DYNLRB1: variants seen among roughly 807,000 people sequenced by gnomAD.
DYNLRB1 encodes dynein light chain roadblock-type 1, also known as ROBL/LC7-like 1.
Under a neutral mutation model 13.5 loss-of-function variants are expected in DYNLRB1, and 6 were observed. The ratio of observed to expected loss-of-function variants is 0.44; its 90% CI spans 0.24 to 0.88. The LOEUF is 0.88. Among genes scored for constraint, DYNLRB1 ranks in the 40% least tolerant of loss-of-function variants. The pLI, the probability that DYNLRB1 is intolerant of heterozygous loss-of-function variation, is 0.21. For synonymous variants in DYNLRB1, 43 were observed against 45.0 expected (o/e 0.96, Z 0.18); for missense variants, 93 against 127.2 (o/e 0.73, Z 1.29).
intron 3 of DYNLRB1, among the ~76,000 whole-genome samples, chr20:34,538,058 G>A (rs1981301742): frequency 7.2e-6 from 1 of 138,378 alleles, no homozygotes; most frequent in Admixed American, 7.8e-5. Flanking sequence ...TGCGATCATG[G>A]CTCTCTGCAG....
At chr20:34,530,260 A>C in intron 2 of DYNLRB1, 1 of 1,035,758 alleles carries the variant, frequency 9.7e-7, no homozygotes, top group Non-Finnish European at 1.2e-6. Flanking sequence ...TTGTATACTC[A>C]TGGGGCTGAT....
chr20:34,516,532 G>A, intron 1 of DYNLRB1, 71 bp downstream of exon 1: 1 of 1,598,962 alleles, frequency 6.3e-7, no homozygotes. Flanking sequence ...GTCTTCCGAG[G>A]ATGAGGGGAT....
rs140008139 is a variant in DYNLRB1, at chr20:34,519,254, A to G, written c.3+2793A>G. On this transcript the variant is annotated intron_variant, in intron 1 of 3. Coordinates refer to ENST00000357156, the MANE Select transcript of DYNLRB1 (RefSeq NM_014183.4). ...GAAGCAGTACCAGAGGATATAATATAGAAAGTTTATGTGGTCCCCATCTTA... is the reference window on the plus strand; with the variant it reads ...GAAGCAGTACCAGAGGATATAATATGGAAAGTTTATGTGGTCCCCATCTTA... Among the ~76,000 whole-genome samples, 71 of 152,298 alleles carry G rather than the reference A, an allele frequency of 4.7e-4. 2 individuals are homozygous for G. The East Asian group carries it at 0.012, about 25-fold the overall frequency.
intron 2 of DYNLRB1, among the ~76,000 whole-genome samples, chr20:34,528,899 G>A (rs1331095361): frequency 6.6e-6 from 1 of 152,044 alleles, no homozygotes; most frequent in Admixed American, 6.5e-5. Context: ...CCTTGAGCCC[G>A]GGAGTTCAAG....
chr20:34,534,221 C>G (rs1188269878), intron 2 of DYNLRB1, among the ~76,000 whole-genome samples: 1 of 152,122 alleles, frequency 6.6e-6, no homozygotes, highest in African/African-American at 2.4e-5. Flanking sequence ...AAATAAAAAC[C>G]TGATTTTGTT....
At chr20:34,533,250 G>A (rs1980852098) in intron 2 of DYNLRB1, among the ~76,000 whole-genome samples, 1 of 152,176 alleles carries the variant, frequency 6.6e-6, no homozygotes, top group African/African-American at 2.4e-5. Context: ...AATTATACTG[G>A]TAACAAACCC....
At chr20:34,534,529 T>C in intron 2 of DYNLRB1, 99 bp from the exon 3 acceptor site, 1 of 1,404,602 alleles carries the variant, frequency 7.1e-7, no homozygotes, top group Non-Finnish European at 9.6e-7. Flanking sequence ...TGGCATTGAC[T>C]GAGAACTGCT....
intron 2 of DYNLRB1, among the ~76,000 whole-genome samples, chr20:34,528,446 A>G (rs1980433103): frequency 6.6e-6 from 1 of 151,752 alleles, no homozygotes; most frequent in African/African-American, 2.4e-5. Context: ...CAGCGTGACC[A>G]GTGAAGGAAG....
intron 1 of DYNLRB1, among the ~76,000 whole-genome samples, chr20:34,523,683 G>A (rs1979941472): frequency 6.6e-6 from 1 of 152,114 alleles, no homozygotes; most frequent in Admixed American, 6.5e-5. Context: ...CTGCATTCCA[G>A]GTCCCGTTTC....
At chr20:34,523,450 G>A (rs1277310539) in intron 1 of DYNLRB1, among the ~76,000 whole-genome samples, 2 of 152,278 alleles carry the variant, frequency 1.3e-5, no homozygotes, top group African/African-American at 4.8e-5. Flanking sequence ...CCCAGCTGCT[G>A]TCCCTCCCCT....
At chr20:34,517,136 G>A (rs1979303131) in intron 1 of DYNLRB1, among the ~76,000 whole-genome samples, 1 of 152,090 alleles carries the variant, frequency 6.6e-6, no homozygotes, top group African/African-American at 2.4e-5. Context: ...GCCGTTACAG[G>A]TTTTGTGTTT....
At chr20:34,523,108 A>G (rs953726975) in intron 1 of DYNLRB1, among the ~76,000 whole-genome samples, 7 of 152,212 alleles carry the variant, frequency 4.6e-5, no homozygotes, top group Admixed American at 4.6e-4. Context: ...CTCGGTGCCC[A>G]GTAGAGGGGC....
chr20:34,529,170 G>A (rs1216642576), intron 2 of DYNLRB1, among the ~76,000 whole-genome samples: 3 of 152,294 alleles, frequency 2.0e-5, no homozygotes, highest in East Asian at 1.9e-4. Flanking sequence ...TGGCTGCCTC[G>A]TAGGGTAGAC....
chr20:34,526,409 G>T (rs1008375873), intron 2 of DYNLRB1, 66 bp downstream of exon 2: 7 of 1,501,158 alleles, frequency 4.7e-6, no homozygotes, highest in Non-Finnish European at 6.4e-6. Context: ...ACACAGCATA[G>T]CACTTGCTGT....
intron 1 of DYNLRB1, among the ~76,000 whole-genome samples, chr20:34,521,866 C>T (rs1490271952): frequency 2.0e-5 from 3 of 152,032 alleles, no homozygotes; most frequent in South Asian, 2.1e-4. Flanking sequence ...GGCAACATGT[C>T]GAAACCCCAT....
At chr20:34,516,252 TG>T (rs1443004502), upstream of DYNLRB1, among the ~76,000 whole-genome samples, 1 of 152,278 alleles carries the variant, frequency 6.6e-6, no homozygotes, top group Non-Finnish European at 1.5e-5. Flanking sequence ...CTTAGCGCAC[TG>T]CTCCTTAGCT....
At chr20:34,535,990 C>T in intron 3 of DYNLRB1, 6 of 985,292 alleles carry the variant, frequency 6.1e-6, no homozygotes, top group Non-Finnish European at 6.0e-6. Context: ...AGCAGACCAG[C>T]ATAGGTTCTG....
chr20:34,527,117 T>C (rs767938964), intron 2 of DYNLRB1, among the ~76,000 whole-genome samples: 10 of 152,188 alleles, frequency 6.6e-5, no homozygotes, highest in Non-Finnish European at 1.3e-4. Flanking sequence ...TGGAGAAAAC[T>C]GAGTCTAGAA....
chr20:34,528,334 A>AAG (rs1980415206), intron 2 of DYNLRB1, among the ~76,000 whole-genome samples: 1 of 38,632 alleles, frequency 2.6e-5, no homozygotes, highest in South Asian at 6.9e-4. Flanking sequence ...AAAAAAAAAA[A>AAG]AAAAAAAAAA....
Sources: allele counts gnomAD v4.1 joint callset (sites outside exome capture counted in the v4.1 genomes callset), GRCh38; gene constraint gnomAD v4.1.1; transcripts MANE v1.5; gene names NCBI Gene and HGNC (gene_info 2026-07-23, HGNC 2026-07-21).